Variants in SAMTOR observed in about 807,000 individuals in gnomAD.
SAMTOR encodes UPF0532 protein C7orf60.
the SAMTOR span, among the ~76,000 whole-genome samples, chr7:112,891,838 T>A: frequency 8.5e-5 from 13 of 152,246 alleles, no homozygotes; most frequent in Non-Finnish European, 1.8e-4. Flanking sequence ...AAGCTTTGCC[T>A]TGATACTCAT....
the SAMTOR span, among the ~76,000 whole-genome samples, chr7:112,930,818 C>G: frequency 3.3e-5 from 5 of 152,130 alleles, no homozygotes; most frequent in Non-Finnish European, 7.4e-5. Flanking sequence ...GATGAGGAAA[C>G]TGAAGTAGAG....
the SAMTOR span, among the ~76,000 whole-genome samples, chr7:112,912,782 G>A: frequency 5.3e-4 from 81 of 151,814 alleles, 3 homozygotes; most frequent in East Asian, 0.012. Context: ...CATAAAAAAT[G>A]ACCTCATGTG....
chr7:112,848,613 T>G, the SAMTOR span, among the ~76,000 whole-genome samples: 1 of 152,080 alleles, frequency 6.6e-6, no homozygotes, highest in Non-Finnish European at 1.5e-5. Flanking sequence ...TGGAGGGGGA[T>G]GGTGGAGAGT....
the SAMTOR span, among the ~76,000 whole-genome samples, chr7:112,926,753 C>CA: frequency 3.2e-4 from 48 of 151,628 alleles, no homozygotes; most frequent in African/African-American, 1.1e-3. Context: ...GCATTGGTAT[C>CA]AAAAAAAGGG....
the SAMTOR span, chr7:112,939,332 G>C: frequency 3.6e-6 from 2 of 548,396 alleles, no homozygotes; most frequent in South Asian, 2.1e-5. Flanking sequence ...GCTGGGGACA[G>C]GGGCTTGGAG....
At chr7:112,912,982 G>T in the SAMTOR span, among the ~76,000 whole-genome samples, 1 of 151,962 alleles carries the variant, frequency 6.6e-6, no homozygotes, top group Non-Finnish European at 1.5e-5. Flanking sequence ...AAAGCACTAC[G>T]CTAAAATCCA....
the SAMTOR span, among the ~76,000 whole-genome samples, chr7:112,842,926 C>T: frequency 6.6e-6 from 1 of 151,998 alleles, no homozygotes; most frequent in East Asian, 1.9e-4. Context: ...AGAATCAATA[C>T]CTCATTAAAT....
chr7:112,917,919 A>G, the SAMTOR span, among the ~76,000 whole-genome samples: 2 of 152,194 alleles, frequency 1.3e-5, no homozygotes, highest in Non-Finnish European at 2.9e-5. Context: ...AAAGAAATGA[A>G]CAAAGCCTCC....
the SAMTOR span, among the ~76,000 whole-genome samples, chr7:112,925,565 C>T: frequency 3.3e-5 from 5 of 151,962 alleles, no homozygotes; most frequent in Non-Finnish European, 7.4e-5. Context: ...AGGCCAAGGC[C>T]GGCAGATTAC....
At chr7:112,890,041 G>C in the SAMTOR span, among the ~76,000 whole-genome samples, 1 of 152,152 alleles carries the variant, frequency 6.6e-6, no homozygotes, top group African/African-American at 2.4e-5. Context: ...TGGAGGACTA[G>C]TCAGAAATTT....
At chr7:112,914,016 T>C in the SAMTOR span, among the ~76,000 whole-genome samples, 1 of 152,214 alleles carries the variant, frequency 6.6e-6, no homozygotes, top group Admixed American at 6.5e-5. Context: ...GTACTCCTAG[T>C]GCCTATAATA....
At chr7:112,929,136 A>G in the SAMTOR span, among the ~76,000 whole-genome samples, 55 of 152,044 alleles carry the variant, frequency 3.6e-4, no homozygotes, top group African/African-American at 1.3e-3. Flanking sequence ...TAAGTTAGCA[A>G]GTATATATGT....
At chr7:112,872,967 CCACACACA>C in the SAMTOR span, among the ~76,000 whole-genome samples, 4 of 150,136 alleles carry the variant, frequency 2.7e-5, no homozygotes, top group South Asian at 2.1e-4. Context: ...ACCCACACAC[CCACACACA>C]CACACAAATA....
At chr7:112,903,654 G>A in the SAMTOR span, among the ~76,000 whole-genome samples, 5 of 152,224 alleles carry the variant, frequency 3.3e-5, no homozygotes, top group African/African-American at 1.2e-4. Context: ...CTCTCAAAAG[G>A]TTCAGCAGAG....
chr7:112,921,227 T>TG, the SAMTOR span, among the ~76,000 whole-genome samples: 1 of 152,260 alleles, frequency 6.6e-6, no homozygotes, highest in South Asian at 2.1e-4. Flanking sequence ...CAAAACAGCA[T>TG]GGTAATGGTA....
the SAMTOR span, among the ~76,000 whole-genome samples, chr7:112,846,827 G>A: frequency 2.0e-5 from 3 of 152,200 alleles, no homozygotes; most frequent in South Asian, 2.1e-4. Flanking sequence ...TTTGGAATAT[G>A]AGCATTCTAG....
the SAMTOR span, among the ~76,000 whole-genome samples, chr7:112,827,429 A>G: frequency 2.6e-5 from 4 of 152,260 alleles, no homozygotes; most frequent in South Asian, 6.2e-4. Flanking sequence ...CTGATTAGGT[A>G]TAACTCTTTT....
At chr7:112,903,975 G>A in the SAMTOR span, among the ~76,000 whole-genome samples, 37 of 151,880 alleles carry the variant, frequency 2.4e-4, 1 homozygote, top group East Asian at 3.9e-4. Context: ...AAAAAAAAGC[G>A]GGTACTTTAA....
At chr7:112,905,589 T>C in the SAMTOR span, among the ~76,000 whole-genome samples, 10 of 152,324 alleles carry the variant, frequency 6.6e-5, no homozygotes, top group South Asian at 4.1e-4. Flanking sequence ...CCAAGTGATA[T>C]GTATTTCAGG....
Sources: allele counts gnomAD v4.1 joint callset (sites outside exome capture counted in the v4.1 genomes callset), GRCh38; gene constraint gnomAD v4.1.1; transcripts MANE v1.5; gene names NCBI Gene and HGNC (gene_info 2026-07-23, HGNC 2026-07-21).